The following ARHGEF4 variants were observed in gnomAD, a reference collection of about 807,000 sequenced individuals.
The protein encoded by ARHGEF4 is Rho guanine nucleotide exchange factor 4.
A neutral mutation model predicts 162.0 loss-of-function variants in ARHGEF4; 119 were observed. That is an observed-to-expected ratio of 0.73 (90% confidence interval 0.63 to 0.86). The LOEUF is 0.86. Among genes scored for constraint, ARHGEF4 ranks in the 40% least tolerant of loss-of-function variants. ARHGEF4 has a pLI of 0.00. For synonymous variants in ARHGEF4, 1,014 were observed against 979.9 expected (o/e 1.03, Z -0.65); for missense variants, 2,488 against 2,456.0 (o/e 1.01, Z -0.28).
intron 3 of ARHGEF4, among the ~76,000 whole-genome samples, chr2:130,939,657 A>G (rs1284935008): frequency 6.6e-6 from 1 of 152,198 alleles, no homozygotes; most frequent in African/African-American, 2.4e-5. Flanking sequence ...GACTGCAGAA[A>G]ACCTATAAAT....
intron 4 of ARHGEF4, among the ~76,000 whole-genome samples, chr2:130,974,746 G>A (rs1190370425): frequency 6.6e-6 from 1 of 152,024 alleles, no homozygotes; most frequent in East Asian, 1.9e-4. Flanking sequence ...ACAAGTGTGA[G>A]CTACTGCACC....
intron 1 of ARHGEF4, among the ~76,000 whole-genome samples, chr2:130,854,191 A>G (rs138068536): frequency 1.9e-3 from 296 of 152,354 alleles, no homozygotes; most frequent in African/African-American, 6.9e-3. Flanking sequence ...TCATAGCTGT[A>G]AGGAACATTC....
At chr2:130,993,923 A>G (rs1488827754) in intron 4 of ARHGEF4, among the ~76,000 whole-genome samples, 1 of 152,094 alleles carries the variant, frequency 6.6e-6, no homozygotes, top group Admixed American at 6.6e-5. Flanking sequence ...AGATGGGACT[A>G]TAGGCACCAC....
intron 4 of ARHGEF4, among the ~76,000 whole-genome samples, chr2:130,961,176 A>G (rs1684600582): frequency 6.6e-6 from 1 of 152,242 alleles, no homozygotes; most frequent in South Asian, 2.1e-4. Flanking sequence ...CTGCTTGCCC[A>G]GCATGGAGCC....
chr2:130,925,707 A>G (rs887420639), intron 2 of ARHGEF4, among the ~76,000 whole-genome samples: 2 of 152,160 alleles, frequency 1.3e-5, no homozygotes, highest in African/African-American at 4.8e-5. Context: ...TTTCTCTTAT[A>G]AGGAAGGTGT....
At position 130,916,435 on chromosome 2, in the gene ARHGEF4, AG is replaced by A; in HGVS notation, c.2493del (p.Leu832SerfsTer92). ...CGCCGCTGGGGCTCTTCAGGCCCCG[AG>A]GGGCTCCCCAGGGAGAATCCGCCCG... ...EGRRWGSSGPEGLPRENPPAA... is the reference protein window; with the variant it reads ...EGRRWGSSGPXGLPRENPPAA... On this transcript the variant is annotated frameshift_variant, in exon 2 of 14. Coordinates refer to ENST00000409359, the MANE Select transcript of ARHGEF4 (RefSeq NM_001367493.1). LOFTEE classifies it high-confidence loss of function. 2 of 1,538,458 alleles carry A rather than the reference AG, an allele frequency of 1.3e-6. No individual in the cohort carries two copies. The highest frequency in any genetic ancestry group is 1.2e-5 in the South Asian group (1 of 83,602).
intron 4 of ARHGEF4, among the ~76,000 whole-genome samples, chr2:131,017,377 A>C (rs1285253978): frequency 1.3e-5 from 2 of 152,152 alleles, no homozygotes; most frequent in Non-Finnish European, 2.9e-5. Flanking sequence ...CCTTCCGTTC[A>C]TGCAGTTGTG....
rs746920231 is a variant in ARHGEF4 at position 130,837,931 on chromosome 2, G to C, written c.39+939G>C. On this transcript the variant is annotated intron_variant, in intron 1 of 13. Transcript: ENST00000409359. The stretch of plus-strand genomic sequence containing the variant: ...GAGTTGAAGACGGGAGGTTGAGGTC[G>C]GAGTTCTGTGGCCCTGAGAGCTCTA... Among the ~76,000 whole-genome samples, 119 of 152,370 alleles carry C rather than the reference G, an allele frequency of 7.8e-4. 1 individual carries two copies. Among genetic ancestry groups the C allele is most frequent in the South Asian group, 8.3e-4 (4 of 4,834 alleles).
chr2:130,859,561 C>A (rs1574110529), intron 1 of ARHGEF4, among the ~76,000 whole-genome samples: 1 of 2,202 alleles, frequency 4.5e-4, no homozygotes, highest in African/African-American at 1.0e-3. Context: ...CCAGCCTGGG[C>A]AACCTAGCAA....
chr2:130,840,172 C>G (rs546113951), intron 1 of ARHGEF4, among the ~76,000 whole-genome samples: 1 of 151,902 alleles, frequency 6.6e-6, no homozygotes, highest in Admixed American at 6.6e-5. Context: ...GGCATACACA[C>G]TTGGGACACA....
chr2:131,041,543 G>A, intron 9 of ARHGEF4, 81 bp downstream of exon 9: 1 of 1,410,658 alleles, frequency 7.1e-7, no homozygotes, highest in Non-Finnish European at 9.7e-7. Context: ...GCAGTGTGCT[G>A]GGCACTGCTG....
At chr2:131,031,511 G>C (rs1438399104) in intron 5 of ARHGEF4, among the ~76,000 whole-genome samples, 2 of 152,228 alleles carry the variant, frequency 1.3e-5, no homozygotes, top group East Asian at 3.8e-4. Context: ...CCATAGTCCT[G>C]CCTGCAGGGA....
chr2:131,038,713 G>A (rs1399114974), intron 5 of ARHGEF4, 140 bp from the exon 6 acceptor site: 2 of 910,206 alleles, frequency 2.2e-6, no homozygotes, highest in East Asian at 2.7e-5. Flanking sequence ...CCCTGCTCCT[G>A]TCAGAGGCAG....
intron 5 of ARHGEF4, among the ~76,000 whole-genome samples, chr2:131,030,301 A>C (rs985881309): frequency 7.9e-5 from 12 of 152,306 alleles, no homozygotes; most frequent in Middle Eastern, 3.4e-3. Flanking sequence ...TTGGCCGAGA[A>C]AGGCCAAGAG....
intron 1 of ARHGEF4, among the ~76,000 whole-genome samples, chr2:130,908,947 C>T (rs887524918): frequency 9.2e-5 from 14 of 152,104 alleles, no homozygotes; most frequent in African/African-American, 3.4e-4. Context: ...ATCATATGCC[C>T]TGAGGGAAAC....
At chr2:130,877,143 A>G (rs1221591875) in intron 1 of ARHGEF4, among the ~76,000 whole-genome samples, 9 of 152,194 alleles carry the variant, frequency 5.9e-5, no homozygotes, top group African/African-American at 2.2e-4. Context: ...GCTGCGTAGA[A>G]GCGGTGCTCC....
intron 4 of ARHGEF4, among the ~76,000 whole-genome samples, chr2:130,983,918 G>A (rs1181950904): frequency 6.6e-6 from 1 of 152,044 alleles, no homozygotes; most frequent in Admixed American, 6.6e-5. Flanking sequence ...CAAAGTGCTG[G>A]GATTACAGGC....
rs150967237 is a variant in ARHGEF4 at position 130,869,660 on chromosome 2, A to G, written c.39+32668A>G. On this transcript the variant is annotated intron_variant, in intron 1 of 13. Transcript: ENST00000409359. ...TCTGCAGTTAGAGAGAAGAGAGGGT[A>G]TGAAAGGAAGCTAGTGAGGCAGGGG... 2.2e-3 allele frequency among the ~76,000 whole-genome samples: 329 copies of G among 152,308 alleles called. 1 individual carries two copies. The highest frequency in any genetic ancestry group is 7.6e-3 in the African/African-American group (318 of 41,570).
At chr2:130,994,237 C>A (rs1466643511) in intron 4 of ARHGEF4, among the ~76,000 whole-genome samples, 1 of 152,194 alleles carries the variant, frequency 6.6e-6, no homozygotes, top group South Asian at 2.1e-4. Flanking sequence ...TTTAAATCTT[C>A]CATCTTAATA....
Sources: gnomAD v4.1 joint callset for allele counts (sites outside exome capture counted in the v4.1 genomes callset) on GRCh38, gnomAD v4.1.1 for gene constraint, MANE v1.5 for transcripts, NCBI Gene and HGNC (gene_info 2026-07-23, HGNC 2026-07-21) for gene names.